The following SPOPL variants were observed in gnomAD, a reference collection of about 807,000 sequenced individuals.
SPOPL encodes the protein speckle type BTB/POZ protein like, also known as speckle-type POZ protein-like.
SPOPL carries 23 observed loss-of-function variants against 53.8 expected under a neutral mutation model. The ratio of observed to expected loss-of-function variants is 0.43; its 90% CI spans 0.31 to 0.61. The LOEUF is 0.61. SPOPL is among the 20% of genes least tolerant of loss of function. The probability of loss-of-function intolerance (pLI) is 0.12; values close to 1 mark genes in which losing one functional copy is unlikely to be tolerated. For missense variants in SPOPL, 442 were observed against 466.9 expected, an observed-to-expected ratio of 0.95 and a Z score of 0.49; for synonymous variants, 164 against 149.7, an observed-to-expected ratio of 1.10 and a Z score of -0.70.
chr2:138,504,170 CAAAAT>C lies in SPOPL; in HGVS notation c.-61+2056_-61+2060del, dbSNP rs1209038976. Among the ~76,000 whole-genome samples the C allele has an allele frequency of 2.0e-5, 3 of 152,332 alleles. No individual in the cohort carries two copies. In the East Asian group the frequency reaches 5.8e-4, roughly 29 times the overall value. ...TAAAAATATGTACATATGTAACTATCAAAATAAAAATGTTTTTCCATTTATAGTTT... is the reference window on the plus strand; with the variant it reads ...TAAAAATATGTACATATGTAACTATCAAAAATGTTTTTCCATTTATAGTTT... On this transcript the variant is annotated intron_variant, in intron 1 of 10. Transcript: ENST00000280098.
At position 138,569,855 on chromosome 2, in the gene SPOPL, A is replaced by T. The variant is rs904250201; in HGVS notation, c.*775A>T. On this transcript the variant is annotated 3_prime_UTR_variant, in exon 11 of 11. Transcript: ENST00000280098. ...TACATTTATACGAAGAATTCTGTAC[A>T]TGTTAAAAGTAAGGATGACCAAATG... The T allele has an allele frequency of 6.6e-6, 1 of 152,620 alleles. No homozygotes were observed. Among genetic ancestry groups the T allele is most frequent in the African/African-American group, 2.4e-5 (1 of 41,458 alleles). 9.5% of individuals were successfully genotyped at this position (152,620 alleles called of 1,614,324 possible).
chr2:138,527,297 A>G (rs1265244041), intron 1 of SPOPL, among the ~76,000 whole-genome samples: 3 of 151,926 alleles, frequency 2.0e-5, no homozygotes, highest in Non-Finnish European at 4.4e-5. Context: ...TTCTCTTTAT[A>G]TATCTCCGTT....
chr2:138,522,675 C>T (rs1042225770), intron 1 of SPOPL, among the ~76,000 whole-genome samples: 2 of 152,138 alleles, frequency 1.3e-5, no homozygotes, highest in African/African-American at 2.4e-5. Flanking sequence ...CCTCTTCTTG[C>T]CCCTGCACAT....
At chr2:138,548,154 C>T (rs763028446) in intron 1 of SPOPL, among the ~76,000 whole-genome samples, 8 of 151,308 alleles carry the variant, frequency 5.3e-5, no homozygotes, top group Admixed American at 1.3e-4. Flanking sequence ...TAGGGTTTGA[C>T]GGTTTAAAAT....
chr2:138,543,118 C>T (rs1443950092), intron 1 of SPOPL, among the ~76,000 whole-genome samples: 2 of 152,172 alleles, frequency 1.3e-5, no homozygotes, highest in Non-Finnish European at 2.9e-5. Flanking sequence ...GTTAGTCTGA[C>T]GGGCTTCCCT....
At chr2:138,525,432 C>T (rs1021256223) in intron 1 of SPOPL, among the ~76,000 whole-genome samples, 5 of 152,164 alleles carry the variant, frequency 3.3e-5, no homozygotes, top group African/African-American at 9.7e-5. Context: ...CATGAGCTGA[C>T]TGGCAGTCAG....
intron 1 of SPOPL, among the ~76,000 whole-genome samples, chr2:138,510,293 C>A (rs1184046470): frequency 6.6e-6 from 1 of 152,172 alleles, no homozygotes; most frequent in Non-Finnish European, 1.5e-5. Context: ...AGGAAACCAC[C>A]CAACTGTCTT....
chr2:138,559,660 C>T (rs1347096380), intron 7 of SPOPL, among the ~76,000 whole-genome samples: 2 of 152,078 alleles, frequency 1.3e-5, no homozygotes, highest in Non-Finnish European at 2.9e-5. Flanking sequence ...ATATATTCTC[C>T]CTTTGTAAGA....
chr2:138,516,386 T>C lies in SPOPL; in HGVS notation c.-61+14267T>C, dbSNP rs188556315. Among the ~76,000 whole-genome samples, 22 of 152,292 alleles carry C rather than the reference T, an allele frequency of 1.4e-4. No homozygotes were observed. In the East Asian group the frequency reaches 2.9e-3, roughly 20 times the overall value. ...TAATAAGAGATATTGAGGGATTAAA[T>C]TGATGACAGAACAGGAATAAGGTCT... On this transcript the variant is annotated intron_variant, in intron 1 of 10. Coordinates refer to ENST00000280098, the MANE Select transcript of SPOPL (RefSeq NM_001001664.3).
At chr2:138,553,340 T>C (rs1685355022) in intron 5 of SPOPL, among the ~76,000 whole-genome samples, 1 of 152,132 alleles carries the variant, frequency 6.6e-6, no homozygotes, top group African/African-American at 2.4e-5. Flanking sequence ...TAGGTAGTTT[T>C]ATCTATATGA....
intron 3 of SPOPL, 117 bp downstream of exon 3, chr2:138,550,721 G>T: frequency 6.9e-7 from 1 of 1,438,994 alleles, no homozygotes; most frequent in Non-Finnish European, 9.4e-7. Flanking sequence ...ATATTAGATT[G>T]GTAGTATGTT....
intron 10 of SPOPL, among the ~76,000 whole-genome samples, chr2:138,567,106 A>G (rs562598271): frequency 1.3e-5 from 2 of 152,316 alleles, no homozygotes; most frequent in Non-Finnish European, 2.9e-5. Context: ...AGCATGACAT[A>G]TATTTTCCCT....
At chr2:138,542,839 T>C (rs778018690) in intron 1 of SPOPL, among the ~76,000 whole-genome samples, 6 of 152,208 alleles carry the variant, frequency 3.9e-5, no homozygotes, top group African/African-American at 4.8e-5. Flanking sequence ...CTCGATGGTC[T>C]TTACAGTTTG....
intron 1 of SPOPL, among the ~76,000 whole-genome samples, chr2:138,505,962 A>G (rs533572013): frequency 3.3e-5 from 5 of 152,278 alleles, no homozygotes; most frequent in South Asian, 2.1e-4. Context: ...AAGGTCCAGT[A>G]AGAACTGAAC....
At chr2:138,534,820 TG>T (rs1417214278) in intron 1 of SPOPL, among the ~76,000 whole-genome samples, 4 of 152,218 alleles carry the variant, frequency 2.6e-5, no homozygotes, top group Non-Finnish European at 1.5e-5. Context: ...TGTATGGATC[TG>T]CCCAATATTT....
intron 1 of SPOPL, among the ~76,000 whole-genome samples, chr2:138,545,889 C>T (rs189750771): frequency 5.3e-5 from 8 of 152,174 alleles, no homozygotes; most frequent in South Asian, 4.1e-4. Context: ...TACATATCTA[C>T]GAATTTCTAC....
chr2:138,568,496 C>T (rs540591635), intron 10 of SPOPL, among the ~76,000 whole-genome samples: 51 of 152,150 alleles, frequency 3.4e-4, no homozygotes, highest in Admixed American at 1.5e-3. Flanking sequence ...TTTAGCAAAT[C>T]GGTAGTTAAC....
intron 1 of SPOPL, among the ~76,000 whole-genome samples, chr2:138,522,141 A>G (rs1420430111): frequency 6.6e-6 from 1 of 152,184 alleles, no homozygotes; most frequent in Non-Finnish European, 1.5e-5. Context: ...ATTCTACTGC[A>G]CACTTAACTT....
intron 10 of SPOPL, among the ~76,000 whole-genome samples, chr2:138,566,361 G>C (rs757667939): frequency 1.3e-5 from 2 of 151,944 alleles, no homozygotes; most frequent in Non-Finnish European, 2.9e-5. Flanking sequence ...TTACTCTAAG[G>C]AAATACTTCA....
Sources: gnomAD v4.1 joint callset for allele counts (sites outside exome capture counted in the v4.1 genomes callset) on GRCh38, gnomAD v4.1.1 for gene constraint, MANE v1.5 for transcripts, NCBI Gene and HGNC (gene_info 2026-07-23, HGNC 2026-07-21) for gene names.